Variants in ESRRG observed in about 807,000 individuals in gnomAD.
The protein encoded by ESRRG is estrogen-related receptor gamma.
A neutral mutation model predicts 44.0 loss-of-function variants in ESRRG; 13 were observed. The ratio of observed to expected loss-of-function variants is 0.30; its 90% confidence interval spans 0.19 to 0.47. The LOEUF (loss-of-function observed/expected upper bound fraction) is 0.47, where lower values mean the gene tolerates loss of function less well. ESRRG is among the 20% of genes least tolerant of loss of function. The pLI is 1.00. For synonymous variants in ESRRG, 215 were observed against 214.6 expected, an observed-to-expected ratio of 1.00 and a Z score of -0.02; for missense variants, 395 against 580.6, an observed-to-expected ratio of 0.68 and a Z score of 3.29.
intron 3 of ESRRG, among the ~76,000 whole-genome samples, chr1:216,569,919 G>T (rs1252961137): frequency 6.6e-6 from 1 of 152,114 alleles, no homozygotes; most frequent in African/African-American, 2.4e-5. Context: ...AATTGAACCA[G>T]AGCTCCAGTT....
At chr1:216,860,035 G>C (rs1397604943) in intron 2 of ESRRG, among the ~76,000 whole-genome samples, 2 of 152,092 alleles carry the variant, frequency 1.3e-5, no homozygotes, top group African/African-American at 4.8e-5. Context: ...AGGCCAAGGT[G>C]GACAGATCAC....
At chr1:216,759,044 C>A (rs1403623215) in intron 2 of ESRRG, among the ~76,000 whole-genome samples, 2 of 152,030 alleles carry the variant, frequency 1.3e-5, no homozygotes, top group African/African-American at 4.8e-5. Context: ...GTCTAACTGG[C>A]TTTGAAGCAT....
At chr1:216,803,739 C>T (rs1016420196) in intron 2 of ESRRG, among the ~76,000 whole-genome samples, 3 of 152,032 alleles carry the variant, frequency 2.0e-5, no homozygotes, top group South Asian at 2.1e-4. Context: ...CCAGCCATTC[C>T]TATTTAAAAA....
intron 2 of ESRRG, among the ~76,000 whole-genome samples, chr1:216,652,986 A>C (rs12093292): frequency 0.017 from 2,509 of 151,542 alleles, 60 homozygotes; most frequent in African/African-American, 0.057. Context: ...GAAAAAAAAA[A>C]GTTTACCAAA....
At chr1:216,730,046 C>A (rs1204465383) in intron 2 of ESRRG, among the ~76,000 whole-genome samples, 3 of 151,982 alleles carry the variant, frequency 2.0e-5, no homozygotes, top group Non-Finnish European at 4.4e-5. Flanking sequence ...GAGCCTTAAC[C>A]CAGGTTACAT....
At chr1:217,047,838 C>T (rs2085167476) in intron 1 of ESRRG, among the ~76,000 whole-genome samples, 1 of 152,100 alleles carries the variant, frequency 6.6e-6, no homozygotes, top group African/African-American at 2.4e-5. Flanking sequence ...AGTGCTTTGG[C>T]TTTTATACCA....
intron 3 of ESRRG, among the ~76,000 whole-genome samples, chr1:216,579,137 A>T (rs2062238093): frequency 6.6e-6 from 1 of 152,116 alleles, no homozygotes; most frequent in South Asian, 2.1e-4. Context: ...TCAGAATCTC[A>T]ATTCTATCTG....
chr1:217,114,667 C>CT (rs139701773), intron 1 of ESRRG, among the ~76,000 whole-genome samples: 4,547 of 107,188 alleles, frequency 0.042, 162 homozygotes, highest in Non-Finnish European at 0.063. Flanking sequence ...CAAAAGATTT[C>CT]TTTTTTTTTT....
chr1:216,859,599 G>C (rs2096013582), intron 2 of ESRRG, among the ~76,000 whole-genome samples: 1 of 152,192 alleles, frequency 6.6e-6, no homozygotes, highest in Non-Finnish European at 1.5e-5. Flanking sequence ...TAGGAATAAT[G>C]CTTGCTCTCA....
At chr1:216,828,361 T>C (rs2095431887) in intron 2 of ESRRG, among the ~76,000 whole-genome samples, 2 of 152,144 alleles carry the variant, frequency 1.3e-5, no homozygotes, top group East Asian at 3.9e-4. Context: ...ACCTGTTCGT[T>C]TGGTTGGTTA....
At chr1:216,634,961 C>G (rs1353510489) in intron 3 of ESRRG, among the ~76,000 whole-genome samples, 1 of 151,804 alleles carries the variant, frequency 6.6e-6, no homozygotes, top group Non-Finnish European at 1.5e-5. Context: ...TCTTTGTTTC[C>G]CCTCCTTTTT....
chr1:216,878,390 T>A (rs1270272990), intron 2 of ESRRG, among the ~76,000 whole-genome samples: 1 of 152,222 alleles, frequency 6.6e-6, no homozygotes, highest in Non-Finnish European at 1.5e-5. Context: ...TAATATGTTC[T>A]TCGTTAAATA....
chr1:216,787,549 G>A (rs11809114), intron 2 of ESRRG, among the ~76,000 whole-genome samples: 4,655 of 139,404 alleles, frequency 0.033, 198 homozygotes, highest in East Asian at 0.14. Flanking sequence ...GTTGCAGTGA[G>A]AGAGATGATA....
At chr1:217,052,184 C>T (rs1274615172) in intron 1 of ESRRG, among the ~76,000 whole-genome samples, 2 of 152,198 alleles carry the variant, frequency 1.3e-5, no homozygotes, top group East Asian at 1.9e-4. Flanking sequence ...TAGAGGAAGA[C>T]ATACTAAGAA....
intron 1 of ESRRG, among the ~76,000 whole-genome samples, chr1:217,013,600 A>G (rs1474773090): frequency 6.6e-6 from 1 of 152,232 alleles, no homozygotes; most frequent in Non-Finnish European, 1.5e-5. Flanking sequence ...GTTAAGACCT[A>G]TCACTTACCC....
intron 3 of ESRRG, among the ~76,000 whole-genome samples, chr1:216,626,953 T>A (rs2063297153): frequency 1.3e-5 from 2 of 152,226 alleles, no homozygotes; most frequent in African/African-American, 2.4e-5. Flanking sequence ...TGCCCAGGGC[T>A]CTGCCAGAAC....
At position 216,938,603 on chromosome 1, in the gene ESRRG, C is replaced by A. The variant is rs191810336; in HGVS notation, c.-14+979G>T. Among the ~76,000 whole-genome samples, 74 of 152,298 alleles carry A rather than the reference C, an allele frequency of 4.9e-4. 3 individuals are homozygous for A. The East Asian group carries it at 0.014, about 29-fold the overall frequency. Reference sequence around the variant, plus strand: ...TAAAGTGCCATTTTCCACACTGAAGCAGGAGTCTGCTGAATGCTGTTCAAA... The same window carrying A: ...TAAAGTGCCATTTTCCACACTGAAGAAGGAGTCTGCTGAATGCTGTTCAAA... On this transcript the variant is annotated intron_variant, in intron 2 of 7. Coordinates refer to the ESRRG transcript ENST00000359162.
intron 1 of ESRRG, among the ~76,000 whole-genome samples, chr1:217,137,205 G>T (rs1412623717): frequency 6.6e-6 from 1 of 152,132 alleles, no homozygotes. Context: ...ACCAAACAGG[G>T]TCCCCCATGC....
At chr1:216,623,522 G>T (rs1040478652) in intron 3 of ESRRG, among the ~76,000 whole-genome samples, 1 of 152,028 alleles carries the variant, frequency 6.6e-6, no homozygotes, top group South Asian at 2.1e-4. Context: ...AAAGAGAAAA[G>T]GTACCAGTGA....
Sources: allele counts gnomAD v4.1 joint callset (sites outside exome capture counted in the v4.1 genomes callset), GRCh38; gene constraint gnomAD v4.1.1; transcripts MANE v1.5; gene names NCBI Gene and HGNC (gene_info 2026-07-23, HGNC 2026-07-21).